The following TANC2 variants were observed in gnomAD, a reference collection of about 807,000 sequenced individuals.
TANC2 encodes the protein tetratricopeptide repeat, ankyrin repeat and coiled-coil containing 2.
Under a neutral mutation model 210.5 loss-of-function variants are expected in TANC2, and 26 were observed. That is an observed-to-expected ratio of 0.12 (90% CI 0.09 to 0.17). The LOEUF is 0.17. Ranked by LOEUF, TANC2 falls within the 10% of genes least tolerant of loss-of-function variation. The pLI, the probability that TANC2 is intolerant of heterozygous loss-of-function variation, is 1.00. For missense variants in TANC2, 2,129 were observed against 2,608.9 expected, an observed-to-expected ratio of 0.82 and a Z score of 4.01; for synonymous variants, 931 against 967.1, an observed-to-expected ratio of 0.96 and a Z score of 0.69.
chr17:63,060,702 T>C (rs1319291383), intron 2 of TANC2, among the ~76,000 whole-genome samples: 2 of 152,184 alleles, frequency 1.3e-5, no homozygotes, highest in African/African-American at 4.8e-5. Context: ...TATTTTGATA[T>C]CTTTCTAGTT....
At chr17:63,205,832 C>T (rs748756630) in intron 7 of TANC2, among the ~76,000 whole-genome samples, 7 of 151,822 alleles carry the variant, frequency 4.6e-5, no homozygotes, top group South Asian at 2.1e-4. Context: ...CACTTGAAGC[C>T]GGGAAGCAGA....
At chr17:63,028,778 A>G (rs1396117817) in intron 2 of TANC2, among the ~76,000 whole-genome samples, 3 of 152,124 alleles carry the variant, frequency 2.0e-5, no homozygotes, top group Non-Finnish European at 2.9e-5. Context: ...CATCTTTCAT[A>G]TGGTAACTCC....
At chr17:63,185,191 G>C (rs1376267332) in intron 5 of TANC2, among the ~76,000 whole-genome samples, 1 of 151,828 alleles carries the variant, frequency 6.6e-6, no homozygotes, top group Non-Finnish European at 1.5e-5. Flanking sequence ...TTTGGAGCTA[G>C]GGTTTTGCCG....
chr17:63,252,948 A>C (rs1181107888), intron 8 of TANC2, among the ~76,000 whole-genome samples: 2 of 152,042 alleles, frequency 1.3e-5, no homozygotes, highest in Non-Finnish European at 2.9e-5. Flanking sequence ...CAAACATGGA[A>C]CTGCAGATAC....
At chr17:63,285,844 G>C (rs753498388) in intron 9 of TANC2, among the ~76,000 whole-genome samples, 1 of 152,100 alleles carries the variant, frequency 6.6e-6, no homozygotes, top group Non-Finnish European at 1.5e-5. Flanking sequence ...AGCCAGAAGG[G>C]GAGCAGGTAA....
chr17:63,300,989 G>A (rs2044694510), intron 9 of TANC2, among the ~76,000 whole-genome samples: 2 of 152,122 alleles, frequency 1.3e-5, no homozygotes, highest in Admixed American at 6.5e-5. Flanking sequence ...TAATGTGAAG[G>A]GATATTGAAT....
Position 63,415,716 on chromosome 17 carries a change from G to A in TANC2, c.4167+42G>A, listed in dbSNP as rs766957561. 36 of 1,595,894 alleles carry A rather than the reference G, an allele frequency of 2.3e-5. 3 individuals carry two copies. The South Asian group carries it at 4.0e-4, about 18-fold the overall frequency. ...CCAACTCCTTTCTGCAATCCTGGTA[G>A]CTGATAGCCTGTGTCACTCACTAGC... is the stretch of plus-strand genomic sequence containing the variant. On this transcript the variant is annotated intron_variant, in intron 26 of 27. Transcript: ENST00000689528.
chr17:63,295,923 T>C (rs1276862448), intron 9 of TANC2, among the ~76,000 whole-genome samples: 2 of 152,158 alleles, frequency 1.3e-5, no homozygotes, highest in African/African-American at 2.4e-5. Flanking sequence ...GGGTGAGGTT[T>C]ATCTCCCTCT....
chr17:63,047,417 G>A (rs918388888), intron 2 of TANC2, among the ~76,000 whole-genome samples: 4 of 152,194 alleles, frequency 2.6e-5, no homozygotes, highest in Admixed American at 6.5e-5. Flanking sequence ...GGATATAGGA[G>A]TGGATGCAGG....
chr17:63,424,377 A>G (rs1402098022), exon 28 of TANC2: 1 of 152,236 alleles, frequency 6.6e-6, no homozygotes, highest in Non-Finnish European at 1.5e-5. Context: ...GAATATGCCA[A>G]CCAGAGCTTG....
At chr17:63,278,596 T>C (rs2043965623) in intron 9 of TANC2, among the ~76,000 whole-genome samples, 1 of 152,130 alleles carries the variant, frequency 6.6e-6, no homozygotes, top group African/African-American at 2.4e-5. Flanking sequence ...AAAATAGAAC[T>C]GCCATATGAT....
At chr17:63,408,887 G>A (rs1422988053) in intron 21 of TANC2, among the ~76,000 whole-genome samples, 2 of 152,202 alleles carry the variant, frequency 1.3e-5, no homozygotes, top group Admixed American at 6.5e-5. Flanking sequence ...TGTGAAAAGC[G>A]TTGTCTTAGG....
At chr17:63,023,104 A>G (rs923154093) in intron 2 of TANC2, among the ~76,000 whole-genome samples, 3 of 152,226 alleles carry the variant, frequency 2.0e-5, no homozygotes, top group Admixed American at 6.5e-5. Context: ...GAGGTTCCCT[A>G]CAAGGGCAAT....
exon 8 of TANC2, chr17:63,237,947 A>G (rs752308097): frequency 6.3e-7 from 1 of 1,589,524 alleles, no homozygotes; most frequent in Admixed American, 1.8e-5. Flanking sequence ...GTTTGTATCG[A>G]GTAGATGAAA....
chr17:63,228,285 C>T (rs1411530612), intron 7 of TANC2, among the ~76,000 whole-genome samples: 5 of 152,098 alleles, frequency 3.3e-5, no homozygotes, highest in Admixed American at 3.3e-4. Context: ...GTTCCATGGT[C>T]TATGTGTCTG....
At chr17:63,059,631 C>T (rs530263449) in intron 2 of TANC2, among the ~76,000 whole-genome samples, 1 of 151,750 alleles carries the variant, frequency 6.6e-6, no homozygotes, top group Admixed American at 6.5e-5. Context: ...TTCATTTTCC[C>T]AGTTTTCAAG....
At chr17:63,311,840 A>G (rs1319386241) in intron 9 of TANC2, among the ~76,000 whole-genome samples, 1 of 152,222 alleles carries the variant, frequency 6.6e-6, no homozygotes, top group Non-Finnish European at 1.5e-5. Context: ...TCAGAAGTAA[A>G]AGGCCACATA....
At chr17:63,386,037 A>G (rs2047767199) in intron 15 of TANC2, among the ~76,000 whole-genome samples, 1 of 152,242 alleles carries the variant, frequency 6.6e-6, no homozygotes, top group South Asian at 2.1e-4. Flanking sequence ...TTGAGAATGT[A>G]TAAACACTTG....
chr17:63,194,211 G>A, intron 6 of TANC2, 72 bp downstream of exon 6: 1 of 1,468,232 alleles, frequency 6.8e-7, no homozygotes. Flanking sequence ...AATCCCAATT[G>A]TTGAATGCCT....
Sources: allele counts gnomAD v4.1 joint callset (sites outside exome capture counted in the v4.1 genomes callset), GRCh38; gene constraint gnomAD v4.1.1; transcripts MANE v1.5; gene names NCBI Gene and HGNC (gene_info 2026-07-23, HGNC 2026-07-21).